Variants in FLT3 observed in about 807,000 individuals in gnomAD.
FLT3 encodes the protein fms related receptor tyrosine kinase 3.
FLT3 carries 46 observed loss-of-function variants against 126.6 expected under a neutral mutation model. That is an observed-to-expected ratio of 0.36 (90% CI 0.29 to 0.46). FLT3 has a LOEUF of 0.46. Ranked by LOEUF, FLT3 falls within the 20% of genes least tolerant of loss-of-function variation. The pLI, the probability that FLT3 is intolerant of heterozygous loss-of-function variation, is 1.00. For missense variants in FLT3, 1,069 were observed against 1,190.3 expected (o/e 0.90, Z 1.50); for synonymous variants, 404 against 434.4 (o/e 0.93, Z 0.87).
intron 23 of FLT3, among the ~76,000 whole-genome samples, chr13:28,009,093 C>T (rs1871157295): frequency 6.6e-6 from 1 of 152,118 alleles, no homozygotes; most frequent in Non-Finnish European, 1.5e-5. Flanking sequence ...CCTCCCAGCT[C>T]AGCCTCCTGA....
chr13:28,037,007 A>G (rs187062723), intron 10 of FLT3, among the ~76,000 whole-genome samples, 178 bp downstream of exon 10: 1 of 152,188 alleles, frequency 6.6e-6, no homozygotes, highest in East Asian at 1.9e-4. Flanking sequence ...AACATAAAAA[A>G]TAAAAAGATA....
intron 23 of FLT3, among the ~76,000 whole-genome samples, chr13:28,008,030 T>C (rs1428409455): frequency 6.6e-6 from 1 of 152,026 alleles, no homozygotes; most frequent in Non-Finnish European, 1.5e-5. Flanking sequence ...TTGTTTGTTT[T>C]TTCCCTAGCT....
In FLT3 at chr13:28,035,515, G is replaced by A. The variant is rs527809498; in HGVS notation, c.1577C>T (p.Thr526Met). Residue 526 changes from threonine (T) to methionine (M), a missense_variant, in exon 12 of 24, where the codon ACG (threonine) becomes ATG (methionine). Physicochemically the swap from Thr to Met is moderately conservative, Grantham distance 81. Transcript: ENST00000241453. Reference sequence around the variant, plus strand: ...TGTACCTGGAGAGTTTAAAAGGATCGTCTCACAAGATGTGCCAAGGGAATT... The same window carrying A: ...TGTACCTGGAGAGTTTAAAAGGATCATCTCACAAGATGTGCCAAGGGAATT... ...AYNSLGTSCE[T>M]ILLNSPGPFP... 195 of 1,613,352 alleles carry A rather than the reference G, an allele frequency of 1.2e-4. No individual in the cohort carries two copies. The highest frequency in any genetic ancestry group is 6.9e-4 in the East Asian group (31 of 44,874).
chr13:28,018,670 A>G (rs2137625199), intron 19 of FLT3, 81 bp from the exon 20 acceptor site: 1 of 1,480,700 alleles, frequency 6.8e-7, no homozygotes, highest in Non-Finnish European at 9.3e-7. Context: ...ACTCAACTTC[A>G]GTAGGAGGTA....
intron 18 of FLT3, 41 bp downstream of exon 18, chr13:28,024,820 A>G: frequency 1.6e-6 from 2 of 1,276,578 alleles, no homozygotes; most frequent in East Asian, 2.3e-5. Context: ...TTTTGCATTC[A>G]TTTCCATTTT....
chr13:28,091,190 T>C (rs1049173456), intron 1 of FLT3, among the ~76,000 whole-genome samples: 68 of 144,164 alleles, frequency 4.7e-4, no homozygotes, highest in African/African-American at 1.7e-3. Context: ...TCATTTATCC[T>C]CTTTGGGCCC....
intron 1 of FLT3, among the ~76,000 whole-genome samples, chr13:28,091,218 T>TTTTC (rs1435723519): frequency 3.2e-4 from 34 of 105,330 alleles, no homozygotes; most frequent in African/African-American, 1.5e-3. Context: ...TTTTTTTTTT[T>TTTTC]TTTTTTTTTT....
chr13:28,035,452 G>A (rs1593242304), intron 12 of FLT3, 43 bp downstream of exon 12: 1 of 1,574,148 alleles, frequency 6.4e-7, no homozygotes, highest in African/African-American at 1.3e-5. Context: ...ACTTCTAGTG[G>A]GGAATTCCTG....
At chr13:28,023,977 G>T (rs1872606023) in intron 18 of FLT3, among the ~76,000 whole-genome samples, 1 of 151,960 alleles carries the variant, frequency 6.6e-6, no homozygotes, top group Admixed American at 6.5e-5. Flanking sequence ...TAGCCAGGAT[G>T]GTCTTGATCT....
intron 2 of FLT3, among the ~76,000 whole-genome samples, chr13:28,064,348 G>A (rs968938843): frequency 6.6e-6 from 1 of 151,822 alleles, no homozygotes; most frequent in African/African-American, 2.4e-5. Context: ...GCCAAGGTGG[G>A]CGGATCACAA....
chr13:28,005,095 C>G (rs535754351), intron 23 of FLT3, among the ~76,000 whole-genome samples: 1 of 152,160 alleles, frequency 6.6e-6, no homozygotes, highest in Non-Finnish European at 1.5e-5. Flanking sequence ...TTTGGGATGC[C>G]GAGGCGGGCG....
rs191017470 is a variant in FLT3 at position 28,091,511 on chromosome 13, G to A, written c.43+8957C>T. Among the ~76,000 whole-genome samples, 167 of 151,774 alleles carry A rather than the reference G, an allele frequency of 1.1e-3. No homozygotes were observed. The East Asian group carries it at 0.013, about 12-fold the overall frequency. ...GCTGGGATTACAGGCGTGAGCCACC[G>A]CGCCCGGCCCCCCATTTTCTTCCTG... is the stretch of plus-strand genomic sequence containing the variant. On this transcript the variant is annotated intron_variant, in intron 1 of 23. Transcript: ENST00000241453.
intron 9 of FLT3, among the ~76,000 whole-genome samples, chr13:28,043,208 A>C (rs1036727621): frequency 4.6e-5 from 7 of 152,006 alleles, no homozygotes; most frequent in African/African-American, 1.7e-4. Flanking sequence ...TTTTCCCATA[A>C]AAGTGGAAAA....
Position 28,021,781 on chromosome 13 carries a change from C to T in FLT3, c.2418+1569G>A, listed in dbSNP as rs1277153978. Among the ~76,000 whole-genome samples, 7 of 150,894 alleles carry T rather than the reference C, an allele frequency of 4.6e-5. No individual in the cohort carries two copies. In the South Asian group the frequency reaches 8.4e-4, roughly 18 times the overall value. On this transcript the variant is annotated intron_variant, in intron 19 of 23. Coordinates refer to ENST00000241453, the MANE Select transcript of FLT3 (RefSeq NM_004119.3). ...TTTTTGAGACAGAGTCTCACTCTGTCGCCCAGGCTGGAGTGCAGTGGCGCC... is the reference window on the plus strand; with the variant it reads ...TTTTTGAGACAGAGTCTCACTCTGTTGCCCAGGCTGGAGTGCAGTGGCGCC...
At position 28,026,070 on chromosome 13, in the gene FLT3, G is replaced by C. The variant is rs1872771921; in HGVS notation, c.2207+1018C>G. Among the ~76,000 whole-genome samples the C allele has an allele frequency of 1.3e-5, 2 of 152,142 alleles. 1 individual carries two copies. The highest frequency in any genetic ancestry group is 4.1e-4 in the South Asian group (2 of 4,828). On this transcript the variant is annotated intron_variant, in intron 17 of 23. Transcript: ENST00000241453. Reference sequence around the variant, plus strand: ...GGAAATAAGAACGCGCCAAGGCTCAGCCAGGTGCGGTGGCTCATGCCTATA... The same window carrying C: ...GGAAATAAGAACGCGCCAAGGCTCACCCAGGTGCGGTGGCTCATGCCTATA...
intron 15 of FLT3, among the ~76,000 whole-genome samples, chr13:28,031,651 T>G (rs1193477640): frequency 6.6e-6 from 1 of 151,974 alleles, no homozygotes; most frequent in Non-Finnish European, 1.5e-5. Context: ...TAAGCTGAGA[T>G]CTGAGGGGGC....
At chr13:28,094,572 T>G (rs561323067) in intron 1 of FLT3, among the ~76,000 whole-genome samples, 1 of 152,302 alleles carries the variant, frequency 6.6e-6, no homozygotes, top group East Asian at 1.9e-4. Flanking sequence ...TGGTCGTAGC[T>G]CACTGCAGCC....
chr13:28,003,775 C>T lies in FLT3; in HGVS notation c.*277G>A. 4 of 446,608 alleles carry T rather than the reference C, an allele frequency of 9.0e-6. No homozygotes were observed. In the East Asian group the frequency reaches 1.4e-4, roughly 15 times the overall value. 27.7% of individuals were successfully genotyped at this position (446,608 alleles called of 1,614,324 possible). Reference sequence around the variant, plus strand: ...ACAAGAATATACTGTACTTCAGGTACACAATTCACTCAAGCCAGCCTGAGA... The same window carrying T: ...ACAAGAATATACTGTACTTCAGGTATACAATTCACTCAAGCCAGCCTGAGA... On this transcript the variant is annotated 3_prime_UTR_variant, in exon 24 of 24. Transcript: ENST00000241453.
rs1458002726 is a variant in FLT3, at chr13:28,057,466, C to A, written c.369-4G>T. 7.5e-5 allele frequency: 97 copies of A among 1,300,922 alleles called. No individual in the cohort carries two copies. The highest frequency in any genetic ancestry group is 1.0e-4 in the Non-Finnish European group (92 of 894,556). 80.6% of individuals were successfully genotyped at this position (1,300,922 alleles called of 1,614,324 possible). On this transcript the variant is annotated splice_region_variant and splice_polypyrimidine_tract_variant and intron_variant, in intron 3 of 23. Coordinates refer to ENST00000241453, the MANE Select transcript of FLT3 (RefSeq NM_004119.3). ...AATGACCATGGAAACAACTCCTCTG[C>A]AAAACAGGAAAGAGAACTAGTTATT...
Sources: allele counts gnomAD v4.1 joint callset (sites outside exome capture counted in the v4.1 genomes callset), GRCh38; gene constraint gnomAD v4.1.1; transcripts MANE v1.5; gene names NCBI Gene and HGNC (gene_info 2026-07-23, HGNC 2026-07-21).